Variants in RPSA2 observed in about 807,000 individuals in gnomAD.
RPSA2 encodes the protein small ribosomal subunit protein uS2B.
chr19:23,855,090 G>A, the RPSA2 span, among the ~76,000 whole-genome samples: 42 of 152,282 alleles, frequency 2.8e-4, no homozygotes, highest in Admixed American at 2.0e-3. Context: ...CCTGGGGCAC[G>A]TAATTTATCC....
chr19:23,827,062 G>C, the RPSA2 span: 16 of 708,588 alleles, frequency 2.3e-5, no homozygotes, highest in Non-Finnish European at 3.8e-5. Flanking sequence ...TTACCTATTT[G>C]CTTACAGTAA....
the RPSA2 span, chr19:23,832,972 A>G: frequency 6.8e-7 from 1 of 1,473,866 alleles, no homozygotes; most frequent in African/African-American, 1.4e-5. Context: ...AAAACCCTAC[A>G]AGTGTGAAGA....
At chr19:23,797,277 T>G in the RPSA2 span, among the ~76,000 whole-genome samples, 2 of 152,036 alleles carry the variant, frequency 1.3e-5, no homozygotes, top group Non-Finnish European at 2.9e-5. Flanking sequence ...GATGGGCTAA[T>G]TTTTGTATTT....
the RPSA2 span, among the ~76,000 whole-genome samples, chr19:23,811,250 C>A: frequency 6.6e-6 from 1 of 152,090 alleles, no homozygotes; most frequent in Admixed American, 6.6e-5. Flanking sequence ...CTTTTGACCT[C>A]AGGTGATCCA....
chr19:23,771,865 G>A, the RPSA2 span, among the ~76,000 whole-genome samples: 1 of 152,080 alleles, frequency 6.6e-6, no homozygotes, highest in African/African-American at 2.4e-5. Flanking sequence ...TCTCCTGTAT[G>A]GGCCCTGCCC....
At chr19:23,805,730 C>T in the RPSA2 span, among the ~76,000 whole-genome samples, 1 of 152,124 alleles carries the variant, frequency 6.6e-6, no homozygotes, top group South Asian at 2.1e-4. Context: ...TCCGCTGTGC[C>T]TCCTGGATTG....
At chr19:23,833,291 GAGAAATATTACA>G in the RPSA2 span, 6 of 717,978 alleles carry the variant, frequency 8.4e-6, no homozygotes, top group Non-Finnish European at 1.1e-5. Context: ...TTATATTGAA[GAGAAATATTACA>G]AGTGTGAATA....
the RPSA2 span, among the ~76,000 whole-genome samples, chr19:23,844,977 C>T: frequency 6.7e-6 from 1 of 148,690 alleles, no homozygotes; most frequent in Non-Finnish European, 1.5e-5. Context: ...CAGTTTCTTC[C>T]TGGCTCTATC....
chr19:23,783,521 A>G, the RPSA2 span, among the ~76,000 whole-genome samples: 298 of 125,380 alleles, frequency 2.4e-3, 1 homozygote, highest in Middle Eastern at 0.011. Flanking sequence ...TGACTTTTCT[A>G]TTCTGCTTGA....
At chr19:23,810,043 T>C in the RPSA2 span, among the ~76,000 whole-genome samples, 1,057 of 152,198 alleles carry the variant, frequency 6.9e-3, 5 homozygotes, top group Non-Finnish European at 0.01. Flanking sequence ...GGGTTGTAGC[T>C]TGGTCTTAAG....
the RPSA2 span, among the ~76,000 whole-genome samples, chr19:23,862,300 A>C: frequency 6.6e-6 from 1 of 151,456 alleles, no homozygotes; most frequent in Non-Finnish European, 1.5e-5. Flanking sequence ...GGTTTTCTAG[A>C]TATACAATCA....
chr19:23,763,417 A>T, the RPSA2 span, among the ~76,000 whole-genome samples: 3 of 152,250 alleles, frequency 2.0e-5, no homozygotes, highest in Non-Finnish European at 4.4e-5. Flanking sequence ...TCATAAGAGC[A>T]GAATCCCGAC....
the RPSA2 span, among the ~76,000 whole-genome samples, chr19:23,765,848 T>C: frequency 1.2e-4 from 18 of 152,256 alleles, no homozygotes; most frequent in Non-Finnish European, 2.1e-4. Flanking sequence ...TGACACCTAT[T>C]ATGTATCAGA....
At chr19:23,824,954 GTTGT>G in the RPSA2 span, among the ~76,000 whole-genome samples, 2 of 151,128 alleles carry the variant, frequency 1.3e-5, no homozygotes, top group Admixed American at 6.6e-5. Context: ...TATCTAATAA[GTTGT>G]TTGTTTTGTT....
At chr19:23,832,179 C>T in the RPSA2 span, 2 of 422,248 alleles carry the variant, frequency 4.7e-6, no homozygotes, top group Admixed American at 6.1e-5. Flanking sequence ...AGCCCTCAAC[C>T]CTAACTAGAT....
At chr19:23,823,822 G>A in the RPSA2 span, 2 of 152,528 alleles carry the variant, frequency 1.3e-5, no homozygotes, top group African/African-American at 4.8e-5. Context: ...GCACTGGGTT[G>A]TGGGATAGCT....
chr19:23,812,531 G>C, the RPSA2 span, among the ~76,000 whole-genome samples: 1 of 152,082 alleles, frequency 6.6e-6, no homozygotes, highest in South Asian at 2.1e-4. Context: ...AAGTAGCTGG[G>C]ATTACAGGCA....
the RPSA2 span, among the ~76,000 whole-genome samples, chr19:23,848,978 A>G: frequency 1.3e-5 from 2 of 152,218 alleles, no homozygotes; most frequent in Admixed American, 6.5e-5. Flanking sequence ...TGTAACATTC[A>G]TTAATTAAAT....
chr19:23,789,374 AT>A, the RPSA2 span, among the ~76,000 whole-genome samples: 2 of 152,138 alleles, frequency 1.3e-5, no homozygotes, highest in Admixed American at 1.3e-4. Flanking sequence ...GTGATGTGAT[AT>A]GACTCTCCTG....
Sources: gnomAD v4.1 joint callset for allele counts (sites outside exome capture counted in the v4.1 genomes callset) on GRCh38, gnomAD v4.1.1 for gene constraint, MANE v1.5 for transcripts, NCBI Gene and HGNC (gene_info 2026-07-23, HGNC 2026-07-21) for gene names.